Variants in PRKCI observed in about 807,000 individuals in gnomAD.
PRKCI encodes the protein protein kinase C iota type.
In PRKCI, 43 loss-of-function variants were observed where a neutral mutation model predicts 84.0. The ratio of observed to expected loss-of-function variants is 0.51; its 90% confidence interval spans 0.40 to 0.66. The LOEUF is 0.66. Among genes scored for constraint, PRKCI ranks in the 30% least tolerant of loss-of-function variants. PRKCI has a pLI of 0.00. For missense variants in PRKCI, 459 were observed against 745.6 expected, an observed-to-expected ratio of 0.62 and a Z score of 4.48; for synonymous variants, 216 against 234.4, an observed-to-expected ratio of 0.92 and a Z score of 0.72.
chr3:170,287,480 C>CA (rs1488171031), intron 12 of PRKCI, among the ~76,000 whole-genome samples: 1 of 151,798 alleles, frequency 6.6e-6, no homozygotes, highest in African/African-American at 2.4e-5. Context: ...TACTTTTCAG[C>CA]ATTTTTCAAG....
intron 12 of PRKCI, among the ~76,000 whole-genome samples, chr3:170,285,954 T>C (rs1384990474): frequency 1.3e-5 from 2 of 151,260 alleles, no homozygotes; most frequent in African/African-American, 4.9e-5. Flanking sequence ...GACAGAGTTT[T>C]GCTCTTATTG....
At chr3:170,284,418 A>G (rs1415678197) in intron 11 of PRKCI, 43 bp from the exon 12 acceptor site, 2 of 1,467,136 alleles carry the variant, frequency 1.4e-6, no homozygotes, top group South Asian at 2.5e-5. Context: ...TGTAGAACTT[A>G]AATATGGTTG....
intron 2 of PRKCI, among the ~76,000 whole-genome samples, chr3:170,256,816 C>G (rs1733593411): frequency 6.6e-6 from 1 of 152,106 alleles, no homozygotes; most frequent in South Asian, 2.1e-4. Context: ...TTGCTATAAA[C>G]TCACCTCTTA....
At chr3:170,262,191 A>C (rs1409541174) in intron 3 of PRKCI, among the ~76,000 whole-genome samples, 1 of 152,190 alleles carries the variant, frequency 6.6e-6, no homozygotes, top group African/African-American at 2.4e-5. Context: ...TATACATTTA[A>C]AGTTTCTAAT....
chr3:170,261,207 CT>C (rs1733718235), intron 3 of PRKCI, among the ~76,000 whole-genome samples: 1 of 150,570 alleles, frequency 6.6e-6, no homozygotes, highest in East Asian at 2.0e-4. Flanking sequence ...TCAAAGAGTC[CT>C]ACCACCTGGG....
At chr3:170,247,271 G>T (rs925467890) in intron 2 of PRKCI, among the ~76,000 whole-genome samples, 51 of 151,842 alleles carry the variant, frequency 3.4e-4, no homozygotes, top group African/African-American at 1.2e-3. Context: ...GCCCAGGCTG[G>T]TCTTGAACTC....
At chr3:170,227,896 A>G (rs1460943525) in intron 1 of PRKCI, among the ~76,000 whole-genome samples, 3 of 152,200 alleles carry the variant, frequency 2.0e-5, no homozygotes, top group Non-Finnish European at 2.9e-5. Context: ...TCCAGATGAG[A>G]TATTTTAAGG....
At chr3:170,285,078 C>CTTT (rs199832004) in intron 12 of PRKCI, among the ~76,000 whole-genome samples, 73 of 129,810 alleles carry the variant, frequency 5.6e-4, no homozygotes, top group African/African-American at 1.4e-3. Context: ...GTCTTCATTT[C>CTTT]TTTTTTTTTT....
intron 1 of PRKCI, among the ~76,000 whole-genome samples, chr3:170,226,728 G>C (rs1732635909): frequency 6.6e-6 from 1 of 152,164 alleles, no homozygotes; most frequent in Non-Finnish European, 1.5e-5. Flanking sequence ...AGAAATGCAA[G>C]ATTATTTTAG....
chr3:170,273,882 A>T (rs1428995157), intron 7 of PRKCI, among the ~76,000 whole-genome samples: 6 of 151,692 alleles, frequency 4.0e-5, no homozygotes, highest in African/African-American at 1.5e-4. Context: ...CTGTAATCTC[A>T]TCACTTTGGG....
At position 170,270,526 on chromosome 3, in the gene PRKCI, G is replaced by A. The variant is rs1329586167; in HGVS notation, c.556G>A (p.Val186Ile). ...LLVHKKCHKL[V>I]TIECGRHSLP... ...GGTTCATAAGAAGTGCCATAAACTCGTCACAATTGAATGTGGGCGGCATTC... is the reference window on the plus strand; with the variant it reads ...GGTTCATAAGAAGTGCCATAAACTCATCACAATTGAATGTGGGCGGCATTC... Residue 186 changes from valine (V) to isoleucine (I), a missense_variant, in exon 6 of 18, where the codon GTC becomes ATC. Val to Ile is a conservative substitution (Grantham distance 29). Around this residue, in one of 2 missense-constraint regions of PRKCI, gnomAD observed 250 missense variants for 319.7 expected, o/e 0.78. Transcript: ENST00000295797. 19 of 1,611,392 alleles carry A rather than the reference G, an allele frequency of 1.2e-5. No homozygotes were observed. The highest frequency in any genetic ancestry group is 3.3e-5 in the Admixed American group (2 of 59,774).
intron 2 of PRKCI, among the ~76,000 whole-genome samples, chr3:170,247,065 A>T (rs1296286652): frequency 6.6e-6 from 1 of 151,466 alleles, no homozygotes; most frequent in African/African-American, 2.4e-5. Context: ...GGCTGCTTTT[A>T]AGACTTTTTT....
intron 2 of PRKCI, among the ~76,000 whole-genome samples, chr3:170,239,540 T>A (rs555089366): frequency 2.0e-5 from 3 of 152,342 alleles, no homozygotes; most frequent in South Asian, 4.1e-4. Flanking sequence ...TTATTAGACG[T>A]ACTTAGTTTA....
Position 170,291,955 on chromosome 3 carries a change from T to C in PRKCI, c.1291+14T>C, listed in dbSNP as rs749895588. 2 of 1,547,626 alleles carry C rather than the reference T, an allele frequency of 1.3e-6. No individual in the cohort carries two copies. Among genetic ancestry groups the C allele is most frequent in the Non-Finnish European group, 1.8e-6 (2 of 1,119,886 alleles). On this transcript the variant is annotated intron_variant, in intron 13 of 17. Transcript: ENST00000295797. ...GAGAAGATTATGGTAATAAATAAAT[T>C]GGTGGTATTATTTTAGCTATTGCTA... is the stretch of plus-strand genomic sequence containing the variant.
intron 13 of PRKCI, 167 bp from the exon 14 acceptor site, chr3:170,293,216 G>T: frequency 1.9e-6 from 1 of 527,042 alleles, no homozygotes; most frequent in Non-Finnish European, 3.2e-6. Context: ...TACCCTTGTT[G>T]ATAAATGAAG....
chr3:170,267,751 C>A (rs9883709), intron 4 of PRKCI, among the ~76,000 whole-genome samples, 164 bp from the exon 5 acceptor site: 12,059 of 144,412 alleles, frequency 0.084, 1,162 homozygotes, highest in African/African-American at 0.24. Context: ...CTTTATTTTT[C>A]TTTGGTCCCT....
chr3:170,259,076 G>A (rs112025349), intron 2 of PRKCI, among the ~76,000 whole-genome samples: 6 of 151,812 alleles, frequency 4.0e-5, no homozygotes, highest in Non-Finnish European at 7.4e-5. Context: ...CCCAGGAGGC[G>A]GAGGTTGCAG....
chr3:170,293,754 G>C (rs866314428), intron 14 of PRKCI, among the ~76,000 whole-genome samples: 9 of 152,140 alleles, frequency 5.9e-5, no homozygotes, highest in African/African-American at 2.2e-4. Flanking sequence ...CCTGGTTCAA[G>C]CAATTCTTCT....
chr3:170,281,293 T>C, intron 10 of PRKCI, 30 bp downstream of exon 10: 2 of 1,579,792 alleles, frequency 1.3e-6, no homozygotes, highest in Non-Finnish European at 1.7e-6. Context: ...GAATGATTAC[T>C]GGGCTTCATA....
Sources: allele counts gnomAD v4.1 joint callset (sites outside exome capture counted in the v4.1 genomes callset), GRCh38; gene constraint gnomAD v4.1.1; regional missense constraint gnomAD v4.1.1; transcripts MANE v1.5; gene names NCBI Gene and HGNC (gene_info 2026-07-23, HGNC 2026-07-21).